Variants in SGCG observed in about 807,000 individuals in gnomAD.
The protein encoded by SGCG is sarcoglycan gamma, also known as gamma-sarcoglycan.
A neutral mutation model predicts 29.3 loss-of-function variants in SGCG; 26 were observed. The ratio of observed to expected loss-of-function variants is 0.89; its 90% CI spans 0.65 to 1.23. SGCG has a LOEUF of 1.23. SGCG is among the 50% of genes most tolerant of loss of function. SGCG has a pLI of 0.00. For missense variants in SGCG, 353 were observed against 356.0 expected, an observed-to-expected ratio of 0.99 and a Z score of 0.07; for synonymous variants, 145 against 129.7, an observed-to-expected ratio of 1.12 and a Z score of -0.80.
At chr13:23,323,697 G>C (rs932162322) in intron 7 of SGCG, among the ~76,000 whole-genome samples, 1 of 152,148 alleles carries the variant, frequency 6.6e-6, no homozygotes, top group African/African-American at 2.4e-5. Context: ...AATTGGCTTA[G>C]TCTGCGTGTC....
At chr13:23,297,331 C>T (rs1470447614) in intron 6 of SGCG, among the ~76,000 whole-genome samples, 2 of 151,690 alleles carry the variant, frequency 1.3e-5, no homozygotes, top group Non-Finnish European at 2.9e-5. Context: ...AAGACACATA[C>T]ACAGAAATAT....
intron 1 of SGCG, among the ~76,000 whole-genome samples, chr13:23,198,629 G>A (rs1045261290): frequency 2.0e-5 from 3 of 152,060 alleles, no homozygotes; most frequent in African/African-American, 7.2e-5. Flanking sequence ...GGCAGATCAC[G>A]AGATCAGGAG....
At chr13:23,312,941 T>C (rs902548666) in intron 6 of SGCG, among the ~76,000 whole-genome samples, 1 of 152,186 alleles carries the variant, frequency 6.6e-6, no homozygotes, top group African/African-American at 2.4e-5. Context: ...TTTCAAGTTT[T>C]TGAAAATTGG....
At chr13:23,315,999 A>G (rs913813851) in intron 6 of SGCG, among the ~76,000 whole-genome samples, 1 of 152,200 alleles carries the variant, frequency 6.6e-6, no homozygotes, top group African/African-American at 2.4e-5. Context: ...TCATTGTCCA[A>G]TAGTCCCATG....
At chr13:23,311,652 C>T (rs904765854) in intron 6 of SGCG, among the ~76,000 whole-genome samples, 2 of 152,080 alleles carry the variant, frequency 1.3e-5, no homozygotes, top group Non-Finnish European at 2.9e-5. Context: ...CTGAGGTGTT[C>T]GATGAGGAAT....
chr13:23,314,336 G>C (rs1372428309), intron 6 of SGCG, among the ~76,000 whole-genome samples: 4 of 129,586 alleles, frequency 3.1e-5, no homozygotes, highest in East Asian at 2.7e-4. Context: ...TCCTGACTTT[G>C]AGAAATGCTT....
chr13:23,211,483 C>T (rs568026857), intron 2 of SGCG, among the ~76,000 whole-genome samples: 29 of 151,824 alleles, frequency 1.9e-4, no homozygotes, highest in Non-Finnish European at 3.4e-4. Context: ...AGAGCTTGAC[C>T]CCCCCTTTCA....
chr13:23,262,539 A>G (rs1880481200), intron 4 of SGCG, among the ~76,000 whole-genome samples: 1 of 152,116 alleles, frequency 6.6e-6, no homozygotes, highest in Non-Finnish European at 1.5e-5. Flanking sequence ...GAAAAGAGAT[A>G]GACAGCAAAA....
At chr13:23,220,200 C>T (rs1878603969) in intron 2 of SGCG, among the ~76,000 whole-genome samples, 1 of 152,050 alleles carries the variant, frequency 6.6e-6, no homozygotes, top group African/African-American at 2.4e-5. Flanking sequence ...CGTCTGTAAT[C>T]CCAGCACTTT....
chr13:23,206,522 G>A (rs975722369), intron 2 of SGCG, among the ~76,000 whole-genome samples: 7 of 151,944 alleles, frequency 4.6e-5, no homozygotes, highest in Admixed American at 2.6e-4. Context: ...AATATTCTAC[G>A]GTATTGATAT....
chr13:23,269,606 G>C (rs948532711), intron 4 of SGCG, among the ~76,000 whole-genome samples: 6 of 152,166 alleles, frequency 3.9e-5, no homozygotes, highest in African/African-American at 1.4e-4. Context: ...CATGAGGATA[G>C]CATACGGTAG....
At chr13:23,310,718 T>C (rs896401993) in intron 6 of SGCG, among the ~76,000 whole-genome samples, 2 of 152,160 alleles carry the variant, frequency 1.3e-5, no homozygotes, top group African/African-American at 4.8e-5. Context: ...AATAAACTTT[T>C]CCTCCTCTCC....
rs189801281 is a variant in SGCG at position 23,316,450 on chromosome 13, C to T, written c.579-4187C>T. On this transcript the variant is annotated intron_variant, in intron 6 of 7. Coordinates refer to ENST00000218867, the MANE Select transcript of SGCG (RefSeq NM_000231.3). Reference sequence around the variant, plus strand: ...GAATTCACTGGTCTTACCATGTTCCCCATCATCCTGAAGCAGCTAGATTGA... The same window carrying T: ...GAATTCACTGGTCTTACCATGTTCCTCATCATCCTGAAGCAGCTAGATTGA... Among the ~76,000 whole-genome samples the T allele has an allele frequency of 2.0e-5, 3 of 152,288 alleles. No individual in the cohort carries two copies. The East Asian group carries it at 5.8e-4, about 29-fold the overall frequency.
intron 5 of SGCG, among the ~76,000 whole-genome samples, chr13:23,290,855 G>A (rs2137636499): frequency 6.6e-6 from 1 of 152,276 alleles, no homozygotes; most frequent in Non-Finnish European, 1.5e-5. Context: ...AAGGAACCTA[G>A]AAACAGCAGT....
chr13:23,312,299 T>C (rs1298981915), intron 6 of SGCG, among the ~76,000 whole-genome samples: 2 of 152,210 alleles, frequency 1.3e-5, no homozygotes, highest in Non-Finnish European at 2.9e-5. Flanking sequence ...AGATGCTCAA[T>C]GCCAGCTTCA....
chr13:23,300,834 G>GA (rs1322288576), intron 6 of SGCG, among the ~76,000 whole-genome samples: 2 of 148,266 alleles, frequency 1.3e-5, no homozygotes, highest in African/African-American at 5.0e-5. Flanking sequence ...AAAAAAAAAG[G>GA]GCCGGGCGCG....
chr13:23,226,805 G>A (rs1878916237), intron 2 of SGCG, among the ~76,000 whole-genome samples: 1 of 152,182 alleles, frequency 6.6e-6, no homozygotes, highest in East Asian at 1.9e-4. Flanking sequence ...TTAGGAAGAT[G>A]AAAAGAGTTC....
intron 4 of SGCG, among the ~76,000 whole-genome samples, chr13:23,258,914 C>G (rs9550940): frequency 1.3e-5 from 2 of 151,780 alleles, no homozygotes; most frequent in African/African-American, 4.8e-5. Context: ...ATCTTGGTGG[C>G]TAAGCTTTTT....
chr13:23,197,055 T>A (rs1877540590), intron 1 of SGCG, among the ~76,000 whole-genome samples: 1 of 152,192 alleles, frequency 6.6e-6, no homozygotes, highest in Non-Finnish European at 1.5e-5. Flanking sequence ...ATTGCCTTAT[T>A]ATGATCTGTG....
Sources: allele counts gnomAD v4.1 joint callset (sites outside exome capture counted in the v4.1 genomes callset), GRCh38; gene constraint gnomAD v4.1.1; transcripts MANE v1.5; gene names NCBI Gene and HGNC (gene_info 2026-07-23, HGNC 2026-07-21).